The following FAH variants were observed in gnomAD, a reference collection of about 807,000 sequenced individuals.
The protein encoded by FAH is fumarylacetoacetase.
FAH carries 47 observed loss-of-function variants against 55.8 expected under a neutral mutation model. That is an observed-to-expected ratio of 0.84 (90% CI 0.67 to 1.07). The LOEUF is 1.07. Ranked by LOEUF, FAH falls within the 50% of genes least tolerant of loss-of-function variation. The probability of loss-of-function intolerance (pLI) is 0.00; values close to 1 mark genes in which losing one functional copy is unlikely to be tolerated. For synonymous variants in FAH, 199 were observed against 207.7 expected, an observed-to-expected ratio of 0.96 and a Z score of 0.36; for missense variants, 495 against 545.9, an observed-to-expected ratio of 0.91 and a Z score of 0.93.
chr15:80,185,419 G>A (rs879652089), intron 13 of FAH, among the ~76,000 whole-genome samples: 1 of 152,240 alleles, frequency 6.6e-6, no homozygotes, highest in Non-Finnish European at 1.5e-5. Flanking sequence ...AGAGGAGCCA[G>A]GCTTTGACCT....
At chr15:80,170,258 C>G (rs999850168) in intron 7 of FAH, among the ~76,000 whole-genome samples, 1 of 152,238 alleles carries the variant, frequency 6.6e-6, no homozygotes, top group Non-Finnish European at 1.5e-5. Flanking sequence ...TCAGCACCTA[C>G]AGTTTTAGGC....
chr15:80,180,026 G>A, intron 11 of FAH, 98 bp from the exon 12 acceptor site: 1 of 874,712 alleles, frequency 1.1e-6, no homozygotes, highest in Non-Finnish European at 1.9e-6. Flanking sequence ...AAAGGCCAGG[G>A]AAGGCGGTCG....
intron 13 of FAH, among the ~76,000 whole-genome samples, chr15:80,184,397 G>A (rs532493854): frequency 3.9e-5 from 6 of 152,094 alleles, no homozygotes; most frequent in Non-Finnish European, 8.8e-5. Context: ...TGCTTGCCTT[G>A]CCTGGCACAG....
At chr15:80,182,153 G>A (rs1175735146) in intron 13 of FAH, among the ~76,000 whole-genome samples, 4 of 152,028 alleles carry the variant, frequency 2.6e-5, no homozygotes, top group African/African-American at 9.7e-5. Context: ...ACTGATCTCT[G>A]CCTCCACGGT....
At chr15:80,152,973 C>T (rs1024694492), upstream of FAH, 3 of 1,266,288 alleles carry the variant, frequency 2.4e-6, no homozygotes, top group African/African-American at 1.5e-5. Flanking sequence ...GGGGCGGGGC[C>T]GGGCCTGACC....
In FAH at chr15:80,159,740, C is replaced by T. The variant is rs1390376424; in HGVS notation, c.193-16C>T. 1.2e-6 allele frequency: 2 copies of T among 1,614,098 alleles called. No individual in the cohort carries two copies. The highest frequency in any genetic ancestry group is 3.3e-5 in the Admixed American group (2 of 60,012). The stretch of plus-strand genomic sequence containing the variant: ...TTTCCTGTACGTGATCTTTTTTCTC[C>T]CTGTTTTGGTCTTAGCCTACACTCA... On this transcript the variant is annotated splice_polypyrimidine_tract_variant and intron_variant, in intron 2 of 13. Coordinates refer to ENST00000561421, the MANE Select transcript of FAH (RefSeq NM_000137.4).
At chr15:80,152,807 A>G (rs1401019342), upstream of FAH, 15 of 414,572 alleles carry the variant, frequency 3.6e-5, no homozygotes, top group African/African-American at 4.8e-4. Flanking sequence ...AGGGCGGGCG[A>G]GACTGTGGAG....
At chr15:80,170,907 G>A (rs2041235062) in intron 7 of FAH, among the ~76,000 whole-genome samples, 1 of 152,076 alleles carries the variant, frequency 6.6e-6, no homozygotes, top group Non-Finnish European at 1.5e-5. Context: ...ATGATGCCTG[G>A]CTAGTCTGCT....
At chr15:80,179,129 C>A (rs1358111075) in intron 11 of FAH, among the ~76,000 whole-genome samples, 1 of 152,160 alleles carries the variant, frequency 6.6e-6, no homozygotes, top group Non-Finnish European at 1.5e-5. Flanking sequence ...AGTATATACT[C>A]CCACTAGCAG....
chr15:80,171,410 T>C lies in FAH; in HGVS notation c.607-739T>C, dbSNP rs149060848. Among the ~76,000 whole-genome samples the C allele has an allele frequency of 1.4e-3, 206 of 152,334 alleles. 1 individual carries two copies. The highest frequency in any genetic ancestry group is 4.7e-3 in the African/African-American group (196 of 41,570). On this transcript the variant is annotated intron_variant, in intron 7 of 13. Transcript: ENST00000561421. ...ATTGCAAGGACAAAAAACCAAACAC[T>C]GCATGTTCTCACTCATAGGTGGGAA... is the stretch of plus-strand genomic sequence containing the variant.
rs988325148 is a variant in FAH, at chr15:80,160,068, G to T, written c.314+191G>T. 8 of 812,596 alleles carry T rather than the reference G, an allele frequency of 9.8e-6. No individual in the cohort carries two copies. The South Asian group carries it at 1.4e-4, about 14-fold the overall frequency. The allele number at this position is 812,596 out of a possible 1,614,324, so 50.3% of individuals were successfully genotyped here. Reference sequence around the variant, plus strand: ...TTGGGAGGACTGGGATTGCCTTGGCGCCTGGAATGGAGCTGCCCAAGCTAG... The same window carrying T: ...TTGGGAGGACTGGGATTGCCTTGGCTCCTGGAATGGAGCTGCCCAAGCTAG... On this transcript the variant is annotated intron_variant, in intron 3 of 13. Transcript: ENST00000561421.
chr15:80,161,926 G>A (rs971659435), intron 4 of FAH, among the ~76,000 whole-genome samples: 2 of 152,194 alleles, frequency 1.3e-5, no homozygotes, highest in Non-Finnish European at 2.9e-5. Context: ...TGGGAACTCG[G>A]GAATGGCAGT....
intron 4 of FAH, 105 bp downstream of exon 4, chr15:80,160,564 G>A (rs759021556): frequency 1.2e-5 from 13 of 1,082,694 alleles, no homozygotes; most frequent in Non-Finnish European, 1.7e-5. Flanking sequence ...CCCTGCTGGT[G>A]GGGGGAGATG....
intron 13 of FAH, among the ~76,000 whole-genome samples, chr15:80,183,849 C>G (rs554188104): frequency 2.7e-4 from 41 of 152,328 alleles, no homozygotes; most frequent in African/African-American, 9.1e-4. Flanking sequence ...AAGATGCATA[C>G]TTACCCAGGA....
At chr15:80,155,368 A>G (rs1224928032) in intron 1 of FAH, among the ~76,000 whole-genome samples, 2 of 152,114 alleles carry the variant, frequency 1.3e-5, no homozygotes, top group African/African-American at 4.8e-5. Context: ...ACAGATATTA[A>G]TTAAATTCTC....
chr15:80,168,027 G>A, intron 5 of FAH, 25 bp from the exon 6 acceptor site: 1 of 1,581,816 alleles, frequency 6.3e-7, no homozygotes, highest in Non-Finnish European at 8.7e-7. Context: ...CTGATGCCCT[G>A]CATTCTCTTG....
Position 80,177,553 on chromosome 15 carries a change from G to T in FAH, c.930G>T (p.Gln310His), listed in dbSNP as rs1414288932. 1 of 1,614,008 alleles carries T rather than the reference G, an allele frequency of 6.2e-7. No homozygotes were observed. Among genetic ancestry groups the T allele is most frequent in the African/African-American group, 1.3e-5 (1 of 74,946 alleles). Reference protein sequence around the residue: ...SVNLKGEGMSQAATICKSNFK... With the variant: ...SVNLKGEGMSHAATICKSNFK... Reference sequence around the variant, plus strand: ...TTCCAACAGGAGAAGGAATGAGCCAGGCGGCTACCATATGCAAGTCCAATT... The same window carrying T: ...TTCCAACAGGAGAAGGAATGAGCCATGCGGCTACCATATGCAAGTCCAATT... Residue 310 changes from glutamine (Q) to histidine (H), a missense_variant, in exon 11 of 14, where the codon CAG (glutamine) becomes CAT (histidine). Coordinates refer to ENST00000561421, the MANE Select transcript of FAH (RefSeq NM_000137.4).
chr15:80,170,457 A>G (rs1409100760), intron 7 of FAH, among the ~76,000 whole-genome samples: 1 of 152,136 alleles, frequency 6.6e-6, no homozygotes, highest in East Asian at 1.9e-4. Flanking sequence ...AGTCCAGAGG[A>G]GGGAAATGAG....
intron 4 of FAH, 66 bp from the exon 5 acceptor site, chr15:80,162,180 G>A (rs2041154729): frequency 7.9e-7 from 1 of 1,268,634 alleles, no homozygotes; most frequent in Non-Finnish European, 1.2e-6. Flanking sequence ...TCCAGTGCTT[G>A]GAACAGTCCA....
Sources: allele counts gnomAD v4.1 joint callset (sites outside exome capture counted in the v4.1 genomes callset), GRCh38; gene constraint gnomAD v4.1.1; transcripts MANE v1.5; gene names NCBI Gene and HGNC (gene_info 2026-07-23, HGNC 2026-07-21).